MED12L: variants seen among roughly 807,000 people sequenced by gnomAD.
MED12L encodes the protein mediator complex subunit 12L.
Under a neutral mutation model 281.3 loss-of-function variants are expected in MED12L, and 60 were observed. The ratio of observed to expected loss-of-function variants is 0.21; its 90% CI spans 0.17 to 0.26. MED12L has a LOEUF of 0.26. Among genes scored for constraint, MED12L ranks in the 10% least tolerant of loss-of-function variants. The pLI is 1.00. For missense variants in MED12L, 2,146 were observed against 2,680.9 expected (o/e 0.80, Z 4.41); for synonymous variants, 974 against 987.2 (o/e 0.99, Z 0.25).
intron 5 of MED12L, among the ~76,000 whole-genome samples, chr3:151,151,680 T>C (rs980068972): frequency 6.6e-6 from 1 of 151,934 alleles, no homozygotes; most frequent in Non-Finnish European, 1.5e-5. Flanking sequence ...GGCTGTCTTA[T>C]ATGGGAATGG....
chr3:151,134,955 A>G (rs1030328446), intron 5 of MED12L, among the ~76,000 whole-genome samples: 3 of 151,982 alleles, frequency 2.0e-5, no homozygotes, highest in Non-Finnish European at 4.4e-5. Context: ...GTTTATTATT[A>G]CTATTATTGT....
At chr3:151,100,644 C>T (rs773963680) in intron 2 of MED12L, among the ~76,000 whole-genome samples, 11 of 152,134 alleles carry the variant, frequency 7.2e-5, no homozygotes, top group Non-Finnish European at 1.5e-4. Context: ...TCACACAGTG[C>T]TGTTATTTGA....
At chr3:151,117,395 A>G (rs1712988680) in intron 3 of MED12L, among the ~76,000 whole-genome samples, 1 of 152,008 alleles carries the variant, frequency 6.6e-6, no homozygotes, top group African/African-American at 2.4e-5. Context: ...GTGCTACTGG[A>G]GTGTCATTCT....
At chr3:151,230,006 G>A (rs950624695) in intron 16 of MED12L, among the ~76,000 whole-genome samples, 1 of 152,014 alleles carries the variant, frequency 6.6e-6, no homozygotes, top group Non-Finnish European at 1.5e-5. Context: ...GTCTCGCTCT[G>A]TTGCCCAGGC....
intron 5 of MED12L, among the ~76,000 whole-genome samples, chr3:151,139,133 T>C (rs1716567013): frequency 6.6e-6 from 1 of 152,224 alleles, no homozygotes; most frequent in Admixed American, 6.5e-5. Flanking sequence ...CTTTGTCCAT[T>C]GAGAGCTCTT....
chr3:151,372,649 T>G lies in MED12L; in HGVS notation c.3747T>G (p.Asn1249Lys). The change falls in exon 27 of 45, where the codon AAT (asparagine) becomes AAG (lysine). Residue 1249 changes from asparagine (N) to lysine (K), a missense_variant. Physicochemically the swap from Asn to Lys is moderately conservative, Grantham distance 94 (BLOSUM62 0). This residue lies in a region of MED12L where 235 missense variants were observed against 260.3 expected (regional missense o/e 0.90). Transcript: ENST00000687756. ...TGAGAGGTTTGCGATGTGATGGGAA[T>G]GCTGATGATATCTGGACTGCCTCAC... Reference protein sequence around the residue: ...FTMRGLRCDGNADDIWTASQN... With the variant: ...FTMRGLRCDGKADDIWTASQN... The G allele has an allele frequency of 6.2e-7, 1 of 1,613,924 alleles. No individual in the cohort carries two copies. The highest frequency in any genetic ancestry group is 8.5e-7 in the Non-Finnish European group (1 of 1,179,810).
chr3:151,132,983 C>G (rs751782141), intron 5 of MED12L, among the ~76,000 whole-genome samples: 1 of 152,220 alleles, frequency 6.6e-6, no homozygotes, highest in Non-Finnish European at 1.5e-5. Flanking sequence ...ATCACATACA[C>G]TTCAGAAGAT....
At chr3:151,310,558 A>G (rs1165519683) in intron 16 of MED12L, among the ~76,000 whole-genome samples, 1 of 152,202 alleles carries the variant, frequency 6.6e-6, no homozygotes, top group Admixed American at 6.5e-5. Context: ...CTATGAATTT[A>G]TCAACACCAA....
intron 2 of MED12L, among the ~76,000 whole-genome samples, chr3:151,099,090 A>G (rs1417747096): frequency 2.6e-5 from 4 of 152,194 alleles, no homozygotes; most frequent in Non-Finnish European, 4.4e-5. Context: ...ATCTCCCACC[A>G]GGTCCCTCCC....
chr3:151,233,125 C>A (rs547237414), intron 16 of MED12L, among the ~76,000 whole-genome samples: 1 of 152,184 alleles, frequency 6.6e-6, no homozygotes, highest in African/African-American at 2.4e-5. Flanking sequence ...CTTTCCCCTC[C>A]TCCCCTGAAC....
At chr3:151,163,833 A>C in intron 8 of MED12L, 60 bp from the exon 9 acceptor site, 2 of 1,514,838 alleles carry the variant, frequency 1.3e-6, no homozygotes, top group Non-Finnish European at 1.8e-6. Context: ...TTTACTGTTT[A>C]GCTATTGTTA....
intron 38 of MED12L, among the ~76,000 whole-genome samples, chr3:151,391,474 TC>T (rs772564791): frequency 2.8e-4 from 43 of 152,296 alleles, no homozygotes; most frequent in Admixed American, 4.6e-4. Context: ...CTCTCTTTTT[TC>T]TGTTTCTCTG....
At chr3:151,159,749 A>G (rs1719746554) in intron 7 of MED12L, 83 bp from the exon 8 acceptor site, 2 of 1,339,452 alleles carry the variant, frequency 1.5e-6, no homozygotes, top group Admixed American at 4.6e-5. Context: ...TCTTTTTTAA[A>G]TGAAAAAAAG....
intron 16 of MED12L, among the ~76,000 whole-genome samples, chr3:151,232,707 G>A (rs1731934737): frequency 6.6e-6 from 1 of 152,116 alleles, no homozygotes; most frequent in Non-Finnish European, 1.5e-5. Flanking sequence ...AATACCACAT[G>A]TTCTCACTTA....
At chr3:151,124,249 G>A (rs746967122) in intron 4 of MED12L, among the ~76,000 whole-genome samples, 3 of 152,328 alleles carry the variant, frequency 2.0e-5, no homozygotes, top group East Asian at 1.9e-4. Context: ...TTGCTCTAGC[G>A]AAGTAGTGGT....
chr3:151,357,533 G>A (rs1754076730), intron 20 of MED12L, among the ~76,000 whole-genome samples, 157 bp downstream of exon 20: 1 of 152,114 alleles, frequency 6.6e-6, no homozygotes, highest in Non-Finnish European at 1.5e-5. Context: ...GATCAAAAAG[G>A]TCTAAGCATG....
At chr3:151,249,388 T>C (rs1223445177) in intron 16 of MED12L, among the ~76,000 whole-genome samples, 10 of 152,004 alleles carry the variant, frequency 6.6e-5, no homozygotes, top group African/African-American at 2.4e-4. Flanking sequence ...CCAAAAAATA[T>C]TTGAGAGTAA....
chr3:151,305,578 G>A (rs1007909716), intron 16 of MED12L, among the ~76,000 whole-genome samples: 1 of 152,136 alleles, frequency 6.6e-6, no homozygotes, highest in East Asian at 1.9e-4. Flanking sequence ...AGGAAGATAC[G>A]AGATTCAGAC....
chr3:151,384,029 A>T, intron 34 of MED12L, 54 bp from the exon 35 acceptor site: 1 of 1,559,308 alleles, frequency 6.4e-7, no homozygotes, highest in Non-Finnish European at 8.8e-7. Context: ...TACTCAGTTA[A>T]ATAAGTGTAT....
Sources: allele counts gnomAD v4.1 joint callset (sites outside exome capture counted in the v4.1 genomes callset), GRCh38; gene constraint gnomAD v4.1.1; regional missense constraint gnomAD v4.1.1; transcripts MANE v1.5; gene names NCBI Gene and HGNC (gene_info 2026-07-23, HGNC 2026-07-21).